YEATS2: variants seen among roughly 807,000 people sequenced by gnomAD.
The protein encoded by YEATS2 is YEATS domain-containing protein 2.
In YEATS2, 77 loss-of-function variants were observed where a neutral mutation model predicts 163.2. The observed-to-expected ratio is 0.47, with a 90% CI of 0.39 to 0.57. The LOEUF (loss-of-function observed/expected upper bound fraction) is 0.57, where lower values mean the gene tolerates loss of function less well. Among genes scored for constraint, YEATS2 ranks in the 20% least tolerant of loss-of-function variants. YEATS2 has a pLI of 0.00. For synonymous variants in YEATS2, 631 were observed against 645.1 expected, an observed-to-expected ratio of 0.98 and a Z score of 0.33; for missense variants, 1,549 against 1,729.8, an observed-to-expected ratio of 0.90 and a Z score of 1.85.
intron 19 of YEATS2, among the ~76,000 whole-genome samples, chr3:183,782,581 G>A (rs946634871): frequency 1.3e-5 from 2 of 151,696 alleles, no homozygotes; most frequent in African/African-American, 4.8e-5. Context: ...CTGCCACCAT[G>A]CCCAGCTAAT....
intron 8 of YEATS2, among the ~76,000 whole-genome samples, chr3:183,744,943 T>G (rs777806447): frequency 2.0e-5 from 3 of 152,138 alleles, no homozygotes; most frequent in Non-Finnish European, 4.4e-5. Flanking sequence ...CTCTACCTTC[T>G]GGGCTTAAGC....
chr3:183,749,482 GTC>G (rs2109268782), intron 9 of YEATS2, among the ~76,000 whole-genome samples: 1 of 152,136 alleles, frequency 6.6e-6, no homozygotes, highest in South Asian at 2.1e-4. Context: ...TCTACTTTCT[GTC>G]TGTGTGAATT....
chr3:183,808,011 C>T lies in YEATS2; in HGVS notation c.4012-19C>T. ...CTAAAGCAGCGATACGAACAAACGG[C>T]TTTCTTCTGCTTTTCCAGATTGGGA... On this transcript the variant is annotated intron_variant, in intron 28 of 30. Coordinates refer to ENST00000305135, the MANE Select transcript of YEATS2 (RefSeq NM_018023.5). The T allele has an allele frequency of 6.4e-7, 1 of 1,553,752 alleles. No homozygotes were observed. The highest frequency in any genetic ancestry group is 1.2e-5 in the South Asian group (1 of 84,140).
At chr3:183,753,844 T>TA (rs1053903479) in intron 10 of YEATS2, among the ~76,000 whole-genome samples, 19 of 152,294 alleles carry the variant, frequency 1.2e-4, no homozygotes, top group African/African-American at 4.6e-4. Context: ...GTTTATATAT[T>TA]AAAAAATGGA....
intron 23 of YEATS2, 124 bp from the exon 24 acceptor site, chr3:183,800,341 TC>T: frequency 1.5e-6 from 1 of 654,808 alleles, no homozygotes; most frequent in Non-Finnish European, 2.7e-6. Context: ...CCTGGCTGTG[TC>T]CCCACAACAG....
intron 1 of YEATS2, among the ~76,000 whole-genome samples, chr3:183,712,193 T>TG (rs1715300262): frequency 2.1e-5 from 3 of 142,488 alleles, no homozygotes; most frequent in African/African-American, 8.3e-5. Flanking sequence ...TGTTCTTTTA[T>TG]TTTATTTTAT....
In YEATS2 at chr3:183,749,176, C is replaced by T. The variant is rs557793283; in HGVS notation, c.969+1460C>T. On this transcript the variant is annotated intron_variant, in intron 9 of 30. Coordinates refer to ENST00000305135, the MANE Select transcript of YEATS2 (RefSeq NM_018023.5). ...ACCAGGATGGTCTCGATATCCTGACCTTGTGATCCGCCCATCTCGGCCTCC... is the reference window on the plus strand; with the variant it reads ...ACCAGGATGGTCTCGATATCCTGACTTTGTGATCCGCCCATCTCGGCCTCC... 3.9e-5 allele frequency among the ~76,000 whole-genome samples: 6 copies of T among 152,268 alleles called. No homozygotes were observed. In the East Asian group the frequency reaches 1.2e-3, roughly 30 times the overall value.
At chr3:183,789,524 A>AG (rs1560317945) in intron 20 of YEATS2, among the ~76,000 whole-genome samples, 1 of 77,062 alleles carries the variant, frequency 1.3e-5, no homozygotes, top group Non-Finnish European at 2.5e-5. Context: ...CATTCGAGTT[A>AG]ATTTTTTTTT....
At chr3:183,744,208 G>A (rs1370827029) in intron 8 of YEATS2, among the ~76,000 whole-genome samples, 1 of 139,476 alleles carries the variant, frequency 7.2e-6, no homozygotes, top group African/African-American at 2.7e-5. Context: ...CGCCTCCCAG[G>A]TTCAAGCGAT....
intron 5 of YEATS2, 120 bp from the exon 6 acceptor site, chr3:183,724,299 A>G (rs903965667): frequency 5.7e-6 from 4 of 705,840 alleles, no homozygotes; most frequent in Admixed American, 6.3e-5. Flanking sequence ...AAAGCCAGAA[A>G]ATTTTGTAAT....
chr3:183,773,609 A>G lies in YEATS2; in HGVS notation c.2207-24A>G, dbSNP rs770839383. 2.9e-5 allele frequency: 46 copies of G among 1,564,304 alleles called. No individual in the cohort carries two copies. The Admixed American group carries it at 9.2e-4, about 31-fold the overall frequency. On this transcript the variant is annotated intron_variant, in intron 16 of 30. Transcript: ENST00000305135. Reference sequence around the variant, plus strand: ...GCCCTTAGTTTCAATTTATCTTACAATTTTTTCTCCTTTACCATTTTAGTA... The same window carrying G: ...GCCCTTAGTTTCAATTTATCTTACAGTTTTTTCTCCTTTACCATTTTAGTA...
chr3:183,788,692 T>G (rs1404872069), intron 20 of YEATS2, among the ~76,000 whole-genome samples: 1 of 152,192 alleles, frequency 6.6e-6, no homozygotes, highest in Non-Finnish European at 1.5e-5. Context: ...ATATGGTAGT[T>G]CTATTTTCAG....
intron 19 of YEATS2, among the ~76,000 whole-genome samples, chr3:183,785,488 CAAAAA>C (rs146941322): frequency 1.9e-5 from 1 of 52,252 alleles, no homozygotes; most frequent in Non-Finnish European, 3.9e-5. Context: ...GACTCTGTCT[CAAAAA>C]AAAAAAAAAA....
At position 183,775,936 on chromosome 3, in the gene YEATS2, C is replaced by T. The variant is rs926283923; in HGVS notation, c.2390C>T (p.Ala797Val). The T allele has an allele frequency of 5.6e-6, 9 of 1,611,100 alleles. No individual in the cohort carries two copies. The highest frequency in any genetic ancestry group is 7.6e-6 in the Non-Finnish European group (9 of 1,179,812). Reference protein sequence around the residue: ...NNANLQSGSAASGGSGAGGGG... With the variant: ...NNANLQSGSAVSGGSGAGGGG... ...TTAGATCTCCAGTCTGGCTCAGCTGCCAGTGGTGGGAGTGGTGCCGGAGGA... is the reference window on the plus strand; with the variant it reads ...TTAGATCTCCAGTCTGGCTCAGCTGTCAGTGGTGGGAGTGGTGCCGGAGGA... Residue 797 changes from alanine to valine, a missense_variant, in exon 18 of 31, where the codon GCC becomes GTC. Physicochemically the swap from Ala to Val is moderately conservative, Grantham distance 64 (BLOSUM62 0). Transcript: ENST00000305135.
chr3:183,804,186 C>T lies in YEATS2; in HGVS notation c.3782C>T (p.Pro1261Leu), dbSNP rs754403966. ...EDVLTQIDSE[P>L]ECPSSFSSAD... The stretch of plus-strand genomic sequence containing the variant: ...GTGCTGACCCAGATCGACAGCGAGC[C>T]CGGTAAGCCTTCAGTGGCACTGCCC... The change falls in exon 27 of 31, where the codon CCC (proline) becomes CTC (leucine). Residue 1261 changes from proline to leucine, a missense_variant and splice_region_variant. Coordinates refer to ENST00000305135, the MANE Select transcript of YEATS2 (RefSeq NM_018023.5). 1.7e-4 allele frequency: 281 copies of T among 1,614,006 alleles called. No individual in the cohort carries two copies. Among genetic ancestry groups the T allele is most frequent in the Non-Finnish European group, 2.2e-4 (254 of 1,180,038 alleles).
intron 6 of YEATS2, among the ~76,000 whole-genome samples, chr3:183,725,706 G>T (rs900781211): frequency 6.6e-6 from 1 of 152,218 alleles, no homozygotes; most frequent in African/African-American, 2.4e-5. Flanking sequence ...AGGACGTGTG[G>T]GAATTCTGCA....
At position 183,786,329 on chromosome 3, in the gene YEATS2, C is replaced by T. The variant is rs1295569290; in HGVS notation, c.2913+28C>T. ...GAGAAATAGCATGTCAGTAGAGAAT[C>T]CTAATGAGACATGAAAGTGGTGTAG... On this transcript the variant is annotated intron_variant, in intron 20 of 30. Coordinates refer to ENST00000305135, the MANE Select transcript of YEATS2 (RefSeq NM_018023.5). The T allele has an allele frequency of 2.5e-6, 4 of 1,578,116 alleles. No individual in the cohort carries two copies. In the African/African-American group the frequency reaches 4.0e-5, roughly 16 times the overall value.
chr3:183,737,012 ACAGT>A (rs1308235495), intron 8 of YEATS2, among the ~76,000 whole-genome samples, 183 bp downstream of exon 8: 2 of 152,236 alleles, frequency 1.3e-5, no homozygotes, highest in African/African-American at 4.8e-5. Flanking sequence ...AATAATGTAA[ACAGT>A]CAATTAACAC....
intron 1 of YEATS2, among the ~76,000 whole-genome samples, chr3:183,704,129 C>T (rs1217899581): frequency 6.9e-6 from 1 of 145,878 alleles, no homozygotes; most frequent in East Asian, 2.0e-4. Flanking sequence ...CCAGCTTGGG[C>T]AACAGAGTGA....
Sources: allele counts gnomAD v4.1 joint callset (sites outside exome capture counted in the v4.1 genomes callset), GRCh38; gene constraint gnomAD v4.1.1; transcripts MANE v1.5; gene names NCBI Gene and HGNC (gene_info 2026-07-23, HGNC 2026-07-21).